Variants in ECT2L observed in about 807,000 individuals in gnomAD.
The protein encoded by ECT2L is epithelial cell transforming 2 like.
A neutral mutation model predicts 122.8 loss-of-function variants in ECT2L; 126 were observed. The observed-to-expected ratio is 1.03, with a 90% confidence interval of 0.89 to 1.19. The LOEUF (loss-of-function observed/expected upper bound fraction) is 1.19, where lower values mean the gene tolerates loss of function less well. ECT2L is among the 50% of genes most tolerant of loss of function. The pLI, the probability that ECT2L is intolerant of heterozygous loss-of-function variation, is 0.00. For missense variants in ECT2L, 1,012 were observed against 1,064.1 expected (o/e 0.95, Z 0.68); for synonymous variants, 385 against 381.8 (o/e 1.01, Z -0.10).
chr6:138,885,600 C>A, intron 17 of ECT2L, 21 bp downstream of exon 17: 1 of 1,614,098 alleles, frequency 6.2e-7, no homozygotes, highest in Non-Finnish European at 8.5e-7. Context: ...AGGGAGAGCA[C>A]AGCAGGGGTC....
At chr6:138,842,762 ACT>A (rs1777087555) in intron 5 of ECT2L, among the ~76,000 whole-genome samples, 2 of 152,254 alleles carry the variant, frequency 1.3e-5, no homozygotes, top group Non-Finnish European at 2.9e-5. Context: ...ACAGAGTGAG[ACT>A]CTGTCTCAAA....
intron 1 of ECT2L, among the ~76,000 whole-genome samples, chr6:138,811,563 A>G (rs1462732272): frequency 6.6e-6 from 1 of 152,234 alleles, no homozygotes; most frequent in Admixed American, 6.5e-5. Flanking sequence ...TCCTTATAAG[A>G]AGAGACCAGG....
intron 10 of ECT2L, among the ~76,000 whole-genome samples, chr6:138,854,663 T>C (rs959840308): frequency 1.3e-5 from 2 of 152,228 alleles, no homozygotes; most frequent in African/African-American, 4.8e-5. Context: ...TAAGGACTTA[T>C]GAATCTCAAG....
Position 138,882,827 on chromosome 6 carries a change from A to G in ECT2L, c.1984A>G (p.Asn662Asp). ...KFGSQLNTYT[N>D]FFNNYPVILK... ...TGGAAGCCAGTTAAACACATATACC[A>G]ATTTCTTCAACAATTACCCTGTCAT... is the stretch of plus-strand genomic sequence containing the variant. The change falls in exon 16 of 22, where the codon AAT (asparagine) becomes GAT (aspartate). Residue 662 changes from asparagine (N) to aspartate (D), a missense_variant. By Grantham distance (23) the Asn-to-Asp change is conservative. Transcript: ENST00000541398. The G allele has an allele frequency of 1.9e-6, 3 of 1,614,184 alleles. No homozygotes were observed. Among genetic ancestry groups the G allele is most frequent in the East Asian group, 2.2e-5 (1 of 44,888 alleles).
chr6:138,877,184 T>C (rs1254838937), intron 14 of ECT2L, among the ~76,000 whole-genome samples: 1 of 152,186 alleles, frequency 6.6e-6, no homozygotes, highest in Non-Finnish European at 1.5e-5. Context: ...ATGACTTCCC[T>C]AAGGCCAGAC....
intron 1 of ECT2L, among the ~76,000 whole-genome samples, chr6:138,798,252 C>T (rs1775412856): frequency 6.6e-6 from 1 of 152,118 alleles, no homozygotes; most frequent in Non-Finnish European, 1.5e-5. Flanking sequence ...CAACTTGAGC[C>T]CTTCTCTCTT....
chr6:138,802,273 C>A (rs1775569353), intron 1 of ECT2L, among the ~76,000 whole-genome samples: 1 of 152,266 alleles, frequency 6.6e-6, no homozygotes. Context: ...GTGGCATCCT[C>A]AGCTGACAGT....
At chr6:138,818,056 C>G (rs1240168162) in intron 4 of ECT2L, among the ~76,000 whole-genome samples, 1 of 152,168 alleles carries the variant, frequency 6.6e-6, no homozygotes, top group Non-Finnish European at 1.5e-5. Context: ...TTTGAATTGC[C>G]TCTGCTTAGT....
chr6:138,832,543 C>T (rs533650572), intron 4 of ECT2L, among the ~76,000 whole-genome samples: 1 of 152,234 alleles, frequency 6.6e-6, no homozygotes, highest in South Asian at 2.1e-4. Flanking sequence ...TGGACTTAAG[C>T]CCATGCAAGG....
rs941463909 is a variant in ECT2L, at chr6:138,894,574, A to G, written c.2414+5543A>G. Among the ~76,000 whole-genome samples the G allele has an allele frequency of 5.3e-5, 8 of 152,204 alleles. No homozygotes were observed. The East Asian group carries it at 9.6e-4, about 18-fold the overall frequency. ...TGAAAAATTTACCAGGCCCAGAGAC[A>G]TGAGTATGGGACTTCAGTCACACCT... On this transcript the variant is annotated intron_variant, in intron 20 of 21. Transcript: ENST00000541398.
intron 1 of ECT2L, among the ~76,000 whole-genome samples, chr6:138,799,709 G>A (rs1229339577): frequency 6.6e-6 from 1 of 152,252 alleles, no homozygotes. Context: ...ACAGGTGAAT[G>A]CCGCCACACC....
At chr6:138,869,447 G>T (rs550075884) in intron 13 of ECT2L, among the ~76,000 whole-genome samples, 91 of 152,280 alleles carry the variant, frequency 6.0e-4, no homozygotes, top group Admixed American at 9.8e-4. Flanking sequence ...GCATTTCTGG[G>T]CGTAGCTGTC....
intron 20 of ECT2L, among the ~76,000 whole-genome samples, chr6:138,890,951 G>A (rs888720975): frequency 6.6e-6 from 1 of 151,978 alleles, no homozygotes; most frequent in Non-Finnish European, 1.5e-5. Flanking sequence ...TCCTCTATAG[G>A]TAATAGAAGC....
chr6:138,891,057 T>C (rs1467000743), intron 20 of ECT2L, among the ~76,000 whole-genome samples: 4 of 152,034 alleles, frequency 2.6e-5, no homozygotes. Context: ...GTTCAGGCCA[T>C]GATAGGAAGG....
chr6:138,879,973 A>G (rs932983939), intron 14 of ECT2L, among the ~76,000 whole-genome samples: 8 of 131,368 alleles, frequency 6.1e-5, no homozygotes, highest in Non-Finnish European at 1.2e-4. Flanking sequence ...AATAAAATAA[A>G]ATAAATAAAT....
At chr6:138,872,161 C>T (rs1778278746) in intron 13 of ECT2L, among the ~76,000 whole-genome samples, 1 of 152,128 alleles carries the variant, frequency 6.6e-6, no homozygotes, top group African/African-American at 2.4e-5. Context: ...AGTCTAAATG[C>T]CTTTCCAGGG....
intron 14 of ECT2L, among the ~76,000 whole-genome samples, chr6:138,878,306 TAC>T (rs34393243): frequency 0.46 from 68,823 of 150,120 alleles, 16,162 homozygotes; most frequent in East Asian, 0.61. Flanking sequence ...CATATATATA[TAC>T]ACACACACAC....
chr6:138,802,612 C>T (rs529455905), intron 1 of ECT2L, among the ~76,000 whole-genome samples: 86 of 152,242 alleles, frequency 5.6e-4, no homozygotes, highest in African/African-American at 2.0e-3. Context: ...AATCACAGAT[C>T]CTGTTTTCTG....
chr6:138,867,655 C>CA (rs71009601), intron 12 of ECT2L, among the ~76,000 whole-genome samples: 1,760 of 114,288 alleles, frequency 0.015, 34 homozygotes, highest in African/African-American at 0.05. Context: ...CCTAAAACTA[C>CA]AAAAAAAAAA....
Sources: gnomAD v4.1 joint callset for allele counts (sites outside exome capture counted in the v4.1 genomes callset) on GRCh38, gnomAD v4.1.1 for gene constraint, MANE v1.5 for transcripts, NCBI Gene and HGNC (gene_info 2026-07-23, HGNC 2026-07-21) for gene names.